Variants in FCHO2 observed in about 807,000 individuals in gnomAD.
The protein encoded by FCHO2 is FCH and mu domain containing endocytic adaptor 2, also known as F-BAR domain only protein 2.
FCHO2 carries 43 observed loss-of-function variants against 114.1 expected under a neutral mutation model. That is an observed-to-expected ratio of 0.38 (90% CI 0.30 to 0.49). The LOEUF (loss-of-function observed/expected upper bound fraction) is 0.49, where lower values mean the gene tolerates loss of function less well. FCHO2 is among the 20% of genes least tolerant of loss of function. The pLI is 0.97. For synonymous variants in FCHO2, 293 were observed against 315.2 expected (o/e 0.93, Z 0.75); for missense variants, 807 against 950.4 (o/e 0.85, Z 1.98).
intron 2 of FCHO2, among the ~76,000 whole-genome samples, chr5:72,987,848 TAGAG>T (rs1311355504): frequency 2.0e-5 from 3 of 152,308 alleles, no homozygotes; most frequent in Admixed American, 6.5e-5. Context: ...TCCTTTTTGT[TAGAG>T]AGCTGGTTTT....
At chr5:73,064,876 C>G (rs1235173091) in intron 18 of FCHO2, among the ~76,000 whole-genome samples, 2 of 152,022 alleles carry the variant, frequency 1.3e-5, no homozygotes, top group African/African-American at 4.8e-5. Context: ...ACCACCTAGG[C>G]AAAACCCTCT....
At chr5:72,995,255 G>A (rs1165972995) in intron 5 of FCHO2, among the ~76,000 whole-genome samples, 2 of 151,672 alleles carry the variant, frequency 1.3e-5, no homozygotes, top group Admixed American at 1.3e-4. Context: ...CCTGAAACTG[G>A]GTAATTTTTT....
chr5:72,977,138 G>A (rs912746065), intron 2 of FCHO2, among the ~76,000 whole-genome samples: 4 of 152,070 alleles, frequency 2.6e-5, no homozygotes, highest in Admixed American at 1.3e-4. Flanking sequence ...TGGGTATATA[G>A]CCAGTAATGG....
At chr5:72,985,425 G>A (rs1753464271) in intron 2 of FCHO2, among the ~76,000 whole-genome samples, 1 of 152,058 alleles carries the variant, frequency 6.6e-6, no homozygotes, top group African/African-American at 2.4e-5. Flanking sequence ...GCCTCCCAAA[G>A]TGCTGGGATT....
At chr5:73,065,095 G>A (rs2112866275) in intron 18 of FCHO2, among the ~76,000 whole-genome samples, 1 of 151,970 alleles carries the variant, frequency 6.6e-6, no homozygotes, top group African/African-American at 2.4e-5. Context: ...AAAAGCTTCG[G>A]CACCAAGTAT....
chr5:72,963,668 C>A (rs1354539357), intron 1 of FCHO2, among the ~76,000 whole-genome samples: 1 of 151,940 alleles, frequency 6.6e-6, no homozygotes, highest in Non-Finnish European at 1.5e-5. Flanking sequence ...CTTGCCTTAG[C>A]CTTTGGAGTG....
chr5:73,051,420 A>C lies in FCHO2; in HGVS notation c.997+14A>C. The C allele has an allele frequency of 6.7e-7, 1 of 1,489,522 alleles. No homozygotes were observed. The highest frequency in any genetic ancestry group is 9.1e-7 in the Non-Finnish European group (1 of 1,095,998). 92.3% of individuals were successfully genotyped at this position (1,489,522 alleles called of 1,614,324 possible). A position where few individuals can be genotyped will look rare whatever the true frequency, so the allele number is the denominator to read the frequency against. ...CAAATCAGAATGATATCCTTTCATCATCTAGTATTCTTAAGGATTATGTTG... is the reference window on the plus strand; with the variant it reads ...CAAATCAGAATGATATCCTTTCATCCTCTAGTATTCTTAAGGATTATGTTG... On this transcript the variant is annotated intron_variant, in intron 12 of 25. Transcript: ENST00000430046.
intron 2 of FCHO2, among the ~76,000 whole-genome samples, chr5:72,969,372 T>C (rs1752384465): frequency 1.3e-5 from 2 of 152,222 alleles, no homozygotes; most frequent in South Asian, 2.1e-4. Context: ...GTTTACAGAC[T>C]GATAGGAATT....
At chr5:73,052,238 T>G in intron 12 of FCHO2, 94 bp from the exon 13 acceptor site, 1 of 1,277,466 alleles carries the variant, frequency 7.8e-7, no homozygotes, top group Non-Finnish European at 1.1e-6. Flanking sequence ...TCTGTGTAAC[T>G]CTTAAAGGTT....
rs1486119654 is a variant in FCHO2, at chr5:73,088,714, T to C, written c.*624T>C. On this transcript the variant is annotated 3_prime_UTR_variant, in exon 26 of 26. Transcript: ENST00000430046. Reference sequence around the variant, plus strand: ...TTAAAAAAAATTCTCAAGTGCAATGTGTTTTAAAATAAGCTTGCAAATGAC... The same window carrying C: ...TTAAAAAAAATTCTCAAGTGCAATGCGTTTTAAAATAAGCTTGCAAATGAC... 6.5e-6 allele frequency: 1 copy of C among 152,680 alleles called. No individual in the cohort carries two copies. The highest frequency in any genetic ancestry group is 1.5e-5 in the Non-Finnish European group (1 of 68,054). The allele number at this position is 152,680 out of a possible 1,614,324, so 9.5% of individuals were successfully genotyped here.
intron 8 of FCHO2, chr5:73,020,605 A>G: frequency 2.8e-6 from 2 of 710,544 alleles, no homozygotes; most frequent in South Asian, 3.2e-5. Context: ...GAGAAGGGGA[A>G]TGATGGGTTG....
At position 73,081,994 on chromosome 5, in the gene FCHO2, A is replaced by T. The variant is rs1743108935; in HGVS notation, c.2180+12A>T. On this transcript the variant is annotated intron_variant, in intron 23 of 25. Coordinates refer to ENST00000430046, the MANE Select transcript of FCHO2 (RefSeq NM_138782.3). The stretch of plus-strand genomic sequence containing the variant: ...CCCCCTGCAATATGGTAAATTAAAC[A>T]TACGTTTCTGAATTCCCACTAAATT... The T allele has an allele frequency of 7.0e-7, 1 of 1,432,362 alleles. No homozygotes were observed. The highest frequency in any genetic ancestry group is 1.5e-5 in the African/African-American group (1 of 68,954). 88.7% of individuals were successfully genotyped at this position (1,432,362 alleles called of 1,614,324 possible). A position where few individuals can be genotyped will look rare whatever the true frequency, so the allele number is the denominator to read the frequency against.
At chr5:73,035,360 G>A (rs1756446585) in intron 9 of FCHO2, among the ~76,000 whole-genome samples, 1 of 152,010 alleles carries the variant, frequency 6.6e-6, no homozygotes, top group South Asian at 2.1e-4. Flanking sequence ...AGGAGTCTGT[G>A]GTGAGCTGTG....
At chr5:72,956,224 C>T in intron 1 of FCHO2, 95 bp downstream of exon 1, 1 of 1,352,134 alleles carries the variant, frequency 7.4e-7, no homozygotes, top group Non-Finnish European at 1.0e-6. Flanking sequence ...GGCGGCGGCC[C>T]CTCCGGCAGG....
intron 2 of FCHO2, among the ~76,000 whole-genome samples, chr5:72,976,837 G>C (rs1051236120): frequency 7.0e-6 from 1 of 142,198 alleles, no homozygotes; most frequent in African/African-American, 2.6e-5. Context: ...GTGTCCATGT[G>C]TTCTCATTGT....
chr5:73,058,208 C>G (rs1757690968), intron 16 of FCHO2, among the ~76,000 whole-genome samples: 1 of 151,892 alleles, frequency 6.6e-6, no homozygotes, highest in Non-Finnish European at 1.5e-5. Flanking sequence ...TTGGGTCTTG[C>G]TATGTTGCCT....
chr5:73,003,297 G>A (rs1754543746), intron 5 of FCHO2, among the ~76,000 whole-genome samples: 1 of 152,120 alleles, frequency 6.6e-6, no homozygotes, highest in South Asian at 2.1e-4. Context: ...ACAGGCATGA[G>A]CCACTGCACC....
intron 2 of FCHO2, among the ~76,000 whole-genome samples, chr5:72,973,228 G>T (rs1350755760): frequency 1.3e-5 from 2 of 152,090 alleles, no homozygotes; most frequent in Non-Finnish European, 2.9e-5. Context: ...AAATGAGTTA[G>T]GGAGGATTCC....
chr5:73,013,698 C>T (rs1755145981), intron 6 of FCHO2, among the ~76,000 whole-genome samples: 1 of 152,142 alleles, frequency 6.6e-6, no homozygotes, highest in South Asian at 2.1e-4. Flanking sequence ...GATGGAGTCT[C>T]ACTCTGTCGC....
Sources: gnomAD v4.1 joint callset for allele counts (sites outside exome capture counted in the v4.1 genomes callset) on GRCh38, gnomAD v4.1.1 for gene constraint, MANE v1.5 for transcripts, NCBI Gene and HGNC (gene_info 2026-07-23, HGNC 2026-07-21) for gene names.